Variants in ATOH1 observed in about 807,000 individuals in gnomAD.
The protein encoded by ATOH1 is transcription factor ATOH1.
ATOH1 carries 9 observed loss-of-function variants against 20.7 expected under a neutral mutation model. The observed-to-expected ratio is 0.44, with a 90% CI of 0.26 to 0.76. ATOH1 has a LOEUF of 0.76. ATOH1 is among the 30% of genes least tolerant of loss of function. The pLI is 0.20. For missense variants in ATOH1, 516 were observed against 479.3 expected (o/e 1.08, Z -0.71); for synonymous variants, 247 against 214.3 (o/e 1.15, Z -1.33).
At position 93,828,760 on chromosome 4, in the gene ATOH1, C is replaced by G. The variant is rs1318611061; in HGVS notation, c.-167C>G. 2.9e-6 allele frequency: 2 copies of G among 695,386 alleles called. No homozygotes were observed. The highest frequency in any genetic ancestry group is 3.7e-5 in the African/African-American group (2 of 54,788). 43.1% of individuals were successfully genotyped at this position (695,386 alleles called of 1,614,324 possible). On this transcript the variant is annotated 5_prime_UTR_variant, in exon 1 of 1. Coordinates refer to ENST00000306011, the MANE Select transcript of ATOH1 (RefSeq NM_005172.2). ...GCAGCGCCTTCAGCAACCGGAGAAG[C>G]ATAGTTGCACGCGACCTGGTGTGTG...
Position 93,829,924 on chromosome 4 carries a change from G to A in ATOH1, c.998G>A (p.Arg333Gln), listed in dbSNP as rs777540023. Reference protein sequence around the residue: ...VQEENSKTSPRSHRSDGEFSP... With the variant: ...VQEENSKTSPQSHRSDGEFSP... ...GAGGAAAACAGCAAAACTTCGCCTC[G>A]GTCCCACAGAAGCGACGGGGAATTT... The change falls in exon 1 of 1, where the codon CGG (arginine) becomes CAG (glutamine). Residue 333 changes from arginine to glutamine, a missense_variant. Arg to Gln is a conservative substitution (Grantham distance 43). Transcript: ENST00000306011. The surrounding 1 kb of genome is among the most constrained non-coding windows in gnomAD (Gnocchi z 4.5). 1 of 1,613,976 alleles carries A rather than the reference G, an allele frequency of 6.2e-7. No homozygotes were observed. Among genetic ancestry groups the A allele is most frequent in the Non-Finnish European group, 8.5e-7 (1 of 1,179,954 alleles).
rs139664764 is a variant in ATOH1 at position 93,829,585 on chromosome 4, G to A, written c.659G>A (p.Gly220Glu). 1.9e-6 allele frequency: 3 copies of A among 1,613,926 alleles called. No homozygotes were observed. The African/African-American group carries it at 4.0e-5, about 22-fold the overall frequency. The change falls in exon 1 of 1, where the codon GGA becomes GAA. Residue 220 changes from glycine (G) to glutamate (E), a missense_variant. Physicochemically the swap from Gly to Glu is moderately conservative, Grantham distance 98. Coordinates refer to ENST00000306011, the MANE Select transcript of ATOH1 (RefSeq NM_005172.2). This position sits in a 1 kb window ranked among gnomAD's most constrained non-coding sequence, Gnocchi z 4.5. ...ALSELLQTPS[G>E]GEQPPPPPAS... is the part of the protein sequence containing the mutation. ...TCCGAGCTGCTACAAACGCCCAGCG[G>A]AGGGGAACAGCCACCGCCGCCTCCA...
In ATOH1 at chr4:93,830,284, C is replaced by T. The variant is rs1735417280; in HGVS notation, c.*293C>T. 5.7e-6 allele frequency: 2 copies of T among 350,236 alleles called. No individual in the cohort carries two copies. The highest frequency in any genetic ancestry group is 4.7e-5 in the Admixed American group (1 of 21,474). The allele number at this position is 350,236 out of a possible 1,614,324, so 21.7% of individuals were successfully genotyped here. A position where few individuals can be genotyped will look rare whatever the true frequency, so the allele number is the denominator to read the frequency against. ...TAGATACGGTATAATTGTAGGTACC[C>T]GTATATGGCATCATTATTCTAGTTC... On this transcript the variant is annotated 3_prime_UTR_variant, in exon 1 of 1. Transcript: ENST00000306011.
In ATOH1 at chr4:93,830,246, C is replaced by T. The variant is rs926293046; in HGVS notation, c.*255C>T. ...TTGTGTCCTTTCCGCCCACCTTCTG[C>T]TCCCCCTTTAGATAGATACGGTATA... On this transcript the variant is annotated 3_prime_UTR_variant, in exon 1 of 1. Coordinates refer to ENST00000306011, the MANE Select transcript of ATOH1 (RefSeq NM_005172.2). 27 of 645,454 alleles carry T rather than the reference C, an allele frequency of 4.2e-5. No individual in the cohort carries two copies. In the Admixed American group the frequency reaches 1.0e-3, roughly 25 times the overall value. The allele number at this position is 645,454 out of a possible 1,614,324, so 40.0% of individuals were successfully genotyped here. A position where few individuals can be genotyped will look rare whatever the true frequency, so the allele number is the denominator to read the frequency against.
chr4:93,828,954 T>G lies in ATOH1; in HGVS notation c.28T>G (p.Trp10Gly). Residue 10 changes from tryptophan to glycine, a missense_variant, in exon 1 of 1, where the codon TGG (tryptophan) becomes GGG (glycine). Transcript: ENST00000306011. ...GTCCCGCCTGCTGCATGCAGAAGAG[T>G]GGGCTGAAGTGAAGGAGTTGGGAGA... is the stretch of plus-strand genomic sequence containing the variant. MSRLLHAEE[W>G]AEVKELGDHH... 1 of 1,605,248 alleles carries G rather than the reference T, an allele frequency of 6.2e-7. No individual in the cohort carries two copies. The highest frequency in any genetic ancestry group is 8.5e-7 in the Non-Finnish European group (1 of 1,175,572).
In ATOH1 at chr4:93,828,993, C is replaced by A; in HGVS notation, c.67C>A (p.Pro23Thr). 6.2e-7 allele frequency: 1 copy of A among 1,613,332 alleles called. No individual in the cohort carries two copies. Among genetic ancestry groups the A allele is most frequent in the Non-Finnish European group, 8.5e-7 (1 of 1,179,660 alleles). ...GGAGTTGGGAGACCACCATCGCCAG[C>A]CCCAGCCGCATCATCTCCCGCAACC... ...VKELGDHHRQ[P>T]QPHHLPQPPP... is the part of the protein sequence containing the mutation. Residue 23 changes from proline to threonine, a missense_variant, in exon 1 of 1, where the codon CCC (proline) becomes ACC (threonine). By Grantham distance (38) the Pro-to-Thr change is conservative. Coordinates refer to ENST00000306011, the MANE Select transcript of ATOH1 (RefSeq NM_005172.2).
rs1029673839 is a variant in ATOH1 at position 93,830,186 on chromosome 4, G to A, written c.*195G>A. On this transcript the variant is annotated 3_prime_UTR_variant, in exon 1 of 1. Transcript: ENST00000306011. ...GCCGCCGCTGTTCCAAACTTCCTAC[G>A]GTCCATATTGTTTGATGAAAACTTT... The A allele has an allele frequency of 8.3e-6, 10 of 1,206,164 alleles. No individual in the cohort carries two copies. In the African/African-American group the frequency reaches 1.1e-4, roughly 13 times the overall value. The allele number at this position is 1,206,164 out of a possible 1,614,324, so 74.7% of individuals were successfully genotyped here.
Position 93,828,916 on chromosome 4 carries a change from T to G in ATOH1, c.-11T>G. 1 of 1,570,878 alleles carries G rather than the reference T, an allele frequency of 6.4e-7. No individual in the cohort carries two copies. The highest frequency in any genetic ancestry group is 1.2e-5 in the South Asian group (1 of 83,912). Reference sequence around the variant, plus strand: ...GCCTCCGATCCTGAGCCTCCGAGCCTTTGCAGTGCAATGTCCCGCCTGCTG... The same window carrying G: ...GCCTCCGATCCTGAGCCTCCGAGCCGTTGCAGTGCAATGTCCCGCCTGCTG... On this transcript the variant is annotated 5_prime_UTR_variant, in exon 1 of 1. Coordinates refer to ENST00000306011, the MANE Select transcript of ATOH1 (RefSeq NM_005172.2).
Position 93,829,719 on chromosome 4 carries a change from C to T in ATOH1, c.793C>T (p.Arg265Trp), listed in dbSNP as rs766059965. Residue 265 changes from arginine (R) to tryptophan (W), a missense_variant, in exon 1 of 1, where the codon CGG becomes TGG. Physicochemically the swap from Arg to Trp is moderately radical, Grantham distance 101. Coordinates refer to ENST00000306011, the MANE Select transcript of ATOH1 (RefSeq NM_005172.2). This position sits in a 1 kb window ranked among gnomAD's most constrained non-coding sequence, Gnocchi z 4.5. ...GAQQASGGSQRPTPPGSCRTR... is the reference protein window; with the variant it reads ...GAQQASGGSQWPTPPGSCRTR... ...TCAGCAGGCTTCCGGAGGGAGCCAG[C>T]GGCCGACCCCGCCCGGGAGTTGCCG... The T allele has an allele frequency of 6.4e-7, 1 of 1,569,246 alleles. No homozygotes were observed.
At position 93,829,056 on chromosome 4, in the gene ATOH1, A is replaced by G. The variant is rs1468620569; in HGVS notation, c.130A>G (p.Arg44Gly). ...PPQPPATLQA[R>G]EHPVYPPELS... The stretch of plus-strand genomic sequence containing the variant: ...GCAGCCACCTGCAACTTTGCAGGCG[A>G]GAGAGCATCCCGTCTACCCGCCTGA... The change falls in exon 1 of 1, where the codon AGA (arginine) becomes GGA (glycine). Residue 44 changes from arginine (R) to glycine (G), a missense_variant. Transcript: ENST00000306011. This position sits in a 1 kb window ranked among gnomAD's most constrained non-coding sequence, Gnocchi z 4.5. 11 of 1,613,728 alleles carry G rather than the reference A, an allele frequency of 6.8e-6. No individual in the cohort carries two copies. Among genetic ancestry groups the G allele is most frequent in the Non-Finnish European group, 9.3e-6 (11 of 1,179,982 alleles).
chr4:93,829,410 C>CT lies in ATOH1; in HGVS notation c.485dup (p.Ala163SerfsTer37). 6.2e-7 allele frequency: 1 copy of CT among 1,614,256 alleles called. No homozygotes were observed. Among genetic ancestry groups the CT allele is most frequent in the Non-Finnish European group, 8.5e-7 (1 of 1,180,048 alleles). Reference sequence around the variant, plus strand: ...GAATGGGGTGCAGAAGCAGAGACGGCTAGCAGCCAACGCCAGGGAGCGGCG... The same window carrying CT: ...GAATGGGGTGCAGAAGCAGAGACGGCTTAGCAGCCAACGCCAGGGAGCGGCG... On this transcript the variant is annotated frameshift_variant, in exon 1 of 1. Coordinates refer to ENST00000306011, the MANE Select transcript of ATOH1 (RefSeq NM_005172.2). LOFTEE classifies it high-confidence loss of function. This position sits in a 1 kb window ranked among gnomAD's most constrained non-coding sequence, Gnocchi z 4.5.
Position 93,830,935 on chromosome 4 carries a change from T to C in ATOH1, c.*944T>C, listed in dbSNP as rs1735434042. 1 of 166,874 alleles carries C rather than the reference T, an allele frequency of 6.0e-6. No individual in the cohort carries two copies. Among genetic ancestry groups the C allele is most frequent in the Admixed American group, 6.5e-5 (1 of 15,296 alleles). 10.3% of individuals were successfully genotyped at this position (166,874 alleles called of 1,614,324 possible). A position where few individuals can be genotyped will look rare whatever the true frequency, so the allele number is the denominator to read the frequency against. On this transcript the variant is annotated 3_prime_UTR_variant, in exon 1 of 1. Coordinates refer to ENST00000306011, the MANE Select transcript of ATOH1 (RefSeq NM_005172.2). ...ACTGCCCTTGTTTAATGTATTTTGT[T>C]TTGCAAATGATTAAAATAAATGTGA...
Position 93,829,509 on chromosome 4 carries a change from C to T in ATOH1, c.583C>T (p.Leu195=). ...VIPSFNNDKK[L]SKYETLQMAQ... ...CCCGTCGTTCAACAACGACAAGAAG[C>T]TGTCCAAATATGAGACCCTGCAGAT... The change falls in exon 1 of 1, where the codon CTG becomes TTG. Residue 195 remains leucine (L), a synonymous_variant. Coordinates refer to ENST00000306011, the MANE Select transcript of ATOH1 (RefSeq NM_005172.2). The surrounding 1 kb of genome is among the most constrained non-coding windows in gnomAD (Gnocchi z 4.5). 1 of 1,614,276 alleles carries T rather than the reference C, an allele frequency of 6.2e-7. No homozygotes were observed. Among genetic ancestry groups the T allele is most frequent in the Non-Finnish European group, 8.5e-7 (1 of 1,180,056 alleles).
chr4:93,829,930 A>G lies in ATOH1; in HGVS notation c.1004A>G (p.His335Arg), dbSNP rs1009371963. The change falls in exon 1 of 1, where the codon CAC becomes CGC. Residue 335 changes from histidine to arginine, a missense_variant. Coordinates refer to ENST00000306011, the MANE Select transcript of ATOH1 (RefSeq NM_005172.2). This position sits in a 1 kb window ranked among gnomAD's most constrained non-coding sequence, Gnocchi z 4.5. ...EENSKTSPRS[H>R]RSDGEFSPHS... ...AACAGCAAAACTTCGCCTCGGTCCC[A>G]CAGAAGCGACGGGGAATTTTCCCCC... 6.2e-6 allele frequency: 10 copies of G among 1,613,582 alleles called. No homozygotes were observed. The African/African-American group carries it at 1.2e-4, about 19-fold the overall frequency.
rs1434845012 is a variant in ATOH1, at chr4:93,829,968, A to G, written c.1042A>G (p.Ser348Gly). Reference sequence around the variant, plus strand: ...GGAATTTTCCCCCCATTCCCATTACAGTGACTCGGATGAGGCAAGTTAGGA... The same window carrying G: ...GGAATTTTCCCCCCATTCCCATTACGGTGACTCGGATGAGGCAAGTTAGGA... Reference protein sequence around the residue: ...DGEFSPHSHYSDSDEAS With the variant: ...DGEFSPHSHYGDSDEAS The change falls in exon 1 of 1, where the codon AGT (serine) becomes GGT (glycine). Residue 348 changes from serine (S) to glycine (G), a missense_variant. Coordinates refer to ENST00000306011, the MANE Select transcript of ATOH1 (RefSeq NM_005172.2). The surrounding 1 kb of genome is among the most constrained non-coding windows in gnomAD (Gnocchi z 4.5). 4.4e-6 allele frequency: 7 copies of G among 1,604,854 alleles called. No individual in the cohort carries two copies. The highest frequency in any genetic ancestry group is 1.3e-5 in the African/African-American group (1 of 74,796).
chr4:93,829,736 G>A lies in ATOH1; in HGVS notation c.810G>A (p.Gly270=), dbSNP rs775797343. Residue 270 remains glycine, a synonymous_variant, in exon 1 of 1, where the codon GGG becomes GGA. Coordinates refer to ENST00000306011, the MANE Select transcript of ATOH1 (RefSeq NM_005172.2). This position sits in a 1 kb window ranked among gnomAD's most constrained non-coding sequence, Gnocchi z 4.5. ...GGAGCCAGCGGCCGACCCCGCCCGG[G>A]AGTTGCCGGACTCGCTTCTCAGCCC... The part of the protein sequence containing the change: ...SGGSQRPTPP[G]SCRTRFSAPA... 5 of 1,580,412 alleles carry A rather than the reference G, an allele frequency of 3.2e-6. No homozygotes were observed. The highest frequency in any genetic ancestry group is 3.4e-6 in the Non-Finnish European group (4 of 1,164,306).
rs1164682557 is a variant in ATOH1 at position 93,829,974 on chromosome 4, T to G, written c.1048T>G (p.Ser350Ala). 1 of 1,600,600 alleles carries G rather than the reference T, an allele frequency of 6.2e-7. No homozygotes were observed. The highest frequency in any genetic ancestry group is 2.2e-5 in the East Asian group (1 of 44,696). The change falls in exon 1 of 1, where the codon TCG becomes GCG. Residue 350 changes from serine to alanine, a missense_variant. Coordinates refer to ENST00000306011, the MANE Select transcript of ATOH1 (RefSeq NM_005172.2). This position sits in a 1 kb window ranked among gnomAD's most constrained non-coding sequence, Gnocchi z 4.5. ...TTCCCCCCATTCCCATTACAGTGAC[T>G]CGGATGAGGCAAGTTAGGAAGGTGA... Reference protein sequence around the residue: ...EFSPHSHYSDSDEAS With the variant: ...EFSPHSHYSDADEAS
Position 93,829,212 on chromosome 4 carries a change from C to A in ATOH1, c.286C>A (p.Arg96=), listed in dbSNP as rs1215629309. ...ELGASEAAAP[R]DEVDGRGELV... is the part of the protein sequence containing the mutation. Reference sequence around the variant, plus strand: ...GGGTGCCTCAGAGGCCGCTGCGCCCCGGGACGAGGTGGACGGCCGGGGGGA... The same window carrying A: ...GGGTGCCTCAGAGGCCGCTGCGCCCAGGGACGAGGTGGACGGCCGGGGGGA... Residue 96 remains arginine (R), a synonymous_variant, in exon 1 of 1, where the codon CGG becomes AGG. Coordinates refer to ENST00000306011, the MANE Select transcript of ATOH1 (RefSeq NM_005172.2). This position sits in a 1 kb window ranked among gnomAD's most constrained non-coding sequence, Gnocchi z 4.5. 1 of 1,583,816 alleles carries A rather than the reference C, an allele frequency of 6.3e-7. No homozygotes were observed. Among genetic ancestry groups the A allele is most frequent in the East Asian group, 2.2e-5 (1 of 44,518 alleles).
At position 93,829,721 on chromosome 4, in the gene ATOH1, G is replaced by A; in HGVS notation, c.795G>A (p.Arg265=). The part of the protein sequence containing the change: ...GAQQASGGSQ[R]PTPPGSCRTR... ...AGCAGGCTTCCGGAGGGAGCCAGCG[G>A]CCGACCCCGCCCGGGAGTTGCCGGA... The change falls in exon 1 of 1, where the codon CGG becomes CGA. Residue 265 remains arginine (R), a synonymous_variant. Coordinates refer to ENST00000306011, the MANE Select transcript of ATOH1 (RefSeq NM_005172.2). The surrounding 1 kb of genome is among the most constrained non-coding windows in gnomAD (Gnocchi z 4.5). The A allele has an allele frequency of 6.4e-7, 1 of 1,571,070 alleles. No individual in the cohort carries two copies. The highest frequency in any genetic ancestry group is 8.6e-7 in the Non-Finnish European group (1 of 1,160,436).
Sources: gnomAD v4.1 joint callset for allele counts on GRCh38, gnomAD v4.1.1 for gene constraint, Gnocchi (gnomAD v3.1) non-coding constraint, MANE v1.5 for transcripts, NCBI Gene and HGNC (gene_info 2026-07-23, HGNC 2026-07-21) for gene names.